The following ACSBG2 variants were observed in gnomAD, a reference collection of about 807,000 sequenced individuals.
ACSBG2 encodes acyl-CoA synthetase bubblegum family member 2.
In ACSBG2, 62 loss-of-function variants were observed where a neutral mutation model predicts 74.7. That is an observed-to-expected ratio of 0.83 (90% CI 0.68 to 1.03). ACSBG2 has a LOEUF of 1.03. Among genes scored for constraint, ACSBG2 ranks in the 50% least tolerant of loss-of-function variants. The pLI, the probability that ACSBG2 is intolerant of heterozygous loss-of-function variation, is 0.00. For synonymous variants in ACSBG2, 309 were observed against 294.1 expected (o/e 1.05, Z -0.52); for missense variants, 730 against 817.6 (o/e 0.89, Z 1.31).
chr19:6,158,293 G>A (rs937935526), intron 5 of ACSBG2, among the ~76,000 whole-genome samples: 12 of 151,692 alleles, frequency 7.9e-5, no homozygotes, highest in African/African-American at 2.2e-4. Context: ...TCCTGACCTC[G>A]TGATCTGCCC....
Position 6,190,527 on chromosome 19 carries a change from G to A in ACSBG2, c.1928-57G>A. On this transcript the variant is annotated intron_variant, in intron 13 of 14. Transcript: ENST00000588485. Reference sequence around the variant, plus strand: ...GGACTCTGTTGCCTGGTCATGCATGGGTGTGTGTAATTTTCTTTTATCTCC... The same window carrying A: ...GGACTCTGTTGCCTGGTCATGCATGAGTGTGTGTAATTTTCTTTTATCTCC... The A allele has an allele frequency of 1.4e-6, 2 of 1,450,316 alleles. 1 individual carries two copies. Among genetic ancestry groups the A allele is most frequent in the South Asian group, 2.3e-5 (2 of 87,596 alleles). 89.8% of individuals were successfully genotyped at this position (1,450,316 alleles called of 1,614,324 possible).
chr19:6,190,585 TC>T lies in ACSBG2; in HGVS notation c.1931del (p.Pro644GlnfsTer2), dbSNP rs1441123123. ...DFSIYGGELG[P>X]MMKLKRHFVA... ...AATTGATTTCTCCTTTCTCGATAGGTCCAATGATGAAACTTAAGAGACATTT... is the reference window on the plus strand; with the variant it reads ...AATTGATTTCTCCTTTCTCGATAGGTCAATGATGAAACTTAAGAGACATTT... On this transcript the variant is annotated frameshift_variant and splice_region_variant, in exon 14 of 15. Transcript: ENST00000588485. LOFTEE classifies it high-confidence loss of function. 9 of 1,613,470 alleles carry T rather than the reference TC, an allele frequency of 5.6e-6. No homozygotes were observed. The highest frequency in any genetic ancestry group is 7.6e-6 in the Non-Finnish European group (9 of 1,179,596).
chr19:6,143,211 AT>A (rs370266331), intron 2 of ACSBG2, among the ~76,000 whole-genome samples: 8,367 of 147,718 alleles, frequency 0.057, 305 homozygotes, highest in African/African-American at 0.11. Flanking sequence ...TGCCTGGCTA[AT>A]TTTTTTTTTT....
intron 10 of ACSBG2, among the ~76,000 whole-genome samples, chr19:6,184,795 C>G (rs968497316): frequency 9.1e-5 from 10 of 109,374 alleles, no homozygotes; most frequent in Non-Finnish European, 1.7e-4. Flanking sequence ...ATCTTTAAGC[C>G]AAAGGCATTT....
At chr19:6,166,749 T>C (rs527957711) in intron 7 of ACSBG2, among the ~76,000 whole-genome samples, 119 of 152,208 alleles carry the variant, frequency 7.8e-4, no homozygotes, top group African/African-American at 2.7e-3. Context: ...GCAATTCTCG[T>C]GCCTCAGCCT....
chr19:6,154,402 A>AGAG (rs2089343129), intron 4 of ACSBG2, among the ~76,000 whole-genome samples: 2 of 83,298 alleles, frequency 2.4e-5, no homozygotes, highest in African/African-American at 4.0e-5. Context: ...CCGTCTCAAA[A>AGAG]AGAGAGAGAG....
intron 7 of ACSBG2, among the ~76,000 whole-genome samples, chr19:6,173,696 A>T (rs747064673): frequency 1.3e-5 from 2 of 152,102 alleles, no homozygotes; most frequent in Admixed American, 1.3e-4. Context: ...TTTACCAGTA[A>T]TTTTGATCTT....
chr19:6,187,725 G>A lies in ACSBG2; in HGVS notation c.1807G>A (p.Val603Ile), dbSNP rs1308906146. 7 of 1,614,026 alleles carry A rather than the reference G, an allele frequency of 4.3e-6. No individual in the cohort carries two copies. Among genetic ancestry groups the A allele is most frequent in the Middle Eastern group, 1.6e-4 (1 of 6,084 alleles). ...GATTGTGAAGCAGCAAGACCCCCTG[G>A]TCTACAAGGCCATCCAGCAAGGCAT... ...TEIVKQQDPL[V>I]YKAIQQGINA... Residue 603 changes from valine (V) to isoleucine (I), a missense_variant, in exon 13 of 15, where the codon GTC (valine) becomes ATC (isoleucine). Physicochemically the swap from Val to Ile is conservative, Grantham distance 29 (BLOSUM62 3). Transcript: ENST00000588485.
intron 7 of ACSBG2, chr19:6,175,421 T>A (rs1040897882): frequency 6.6e-6 from 1 of 152,210 alleles, no homozygotes; most frequent in Non-Finnish European, 1.5e-5. Flanking sequence ...ATTCAGTTTG[T>A]GTGACATGGT....
At chr19:6,150,684 G>C (rs1001922919) in intron 3 of ACSBG2, among the ~76,000 whole-genome samples, 24 of 152,204 alleles carry the variant, frequency 1.6e-4, no homozygotes, top group Non-Finnish European at 2.8e-4. Context: ...AGGTGCCAGG[G>C]GCTGGGGAAG....
chr19:6,166,007 C>T lies in ACSBG2; in HGVS notation c.730C>T (p.His244Tyr), dbSNP rs749529664. The change falls in exon 7 of 15, where the codon CAT (histidine) becomes TAT (tyrosine). Residue 244 changes from histidine to tyrosine, a missense_variant. Coordinates refer to ENST00000588485, the MANE Select transcript of ACSBG2 (RefSeq NM_030924.5). ...CATACCCAAGGGAGTGATGCTCAGT[C>T]ATGACAACGTACGCCAAAGTCCCTT... Reference protein sequence around the residue: ...TGIPKGVMLSHDNITWIAGAV... With the variant: ...TGIPKGVMLSYDNITWIAGAV... The T allele has an allele frequency of 5.0e-6, 8 of 1,613,800 alleles. No individual in the cohort carries two copies. In the South Asian group the frequency reaches 6.6e-5, roughly 13 times the overall value.
At chr19:6,157,565 A>G (rs965863881) in intron 5 of ACSBG2, among the ~76,000 whole-genome samples, 3 of 151,986 alleles carry the variant, frequency 2.0e-5, no homozygotes, top group African/African-American at 7.2e-5. Flanking sequence ...CCTGTCTCAA[A>G]ACAAACAAAC....
intron 11 of ACSBG2, among the ~76,000 whole-genome samples, chr19:6,186,240 T>A (rs906871607): frequency 2.0e-5 from 3 of 152,202 alleles, no homozygotes; most frequent in Non-Finnish European, 4.4e-5. Context: ...TATTTTTGGG[T>A]TCACAAAACA....
In ACSBG2 at chr19:6,192,071, C is replaced by CAAAAAAAAAAAAAAAAAAAAAAA. The variant is rs397859531; in HGVS notation, c.*36-594_*36-572dup. 29 of 57,446 alleles carry CAAAAAAAAAAAAAAAAAAAAAAA rather than the reference C, an allele frequency of 5.0e-4. 1 individual carries two copies. Among genetic ancestry groups the CAAAAAAAAAAAAAAAAAAAAAAA allele is most frequent in the African/African-American group, 1.5e-3 (18 of 11,692 alleles). 3.6% of individuals were successfully genotyped at this position (57,446 alleles called of 1,614,324 possible). ...ACACTGGGCTTCAAAAGCACAGCACCAAAAAAAAAAAAAAAAAAAAAAAAA... is the reference window on the plus strand; with the variant it reads ...ACACTGGGCTTCAAAAGCACAGCACCAAAAAAAAAAAAAAAAAAAAAAAAAAAAAAAAAAAAAAAAAAAAAAAA... On this transcript the variant is annotated intron_variant, in intron 14 of 14. Transcript: ENST00000588485.
chr19:6,147,449 C>G lies in ACSBG2; in HGVS notation c.71C>G (p.Thr24Ser). 6.2e-7 allele frequency: 1 copy of G among 1,613,882 alleles called. No homozygotes were observed. Among genetic ancestry groups the G allele is most frequent in the Non-Finnish European group, 8.5e-7 (1 of 1,179,764 alleles). Residue 24 changes from threonine to serine, a missense_variant, in exon 3 of 15, where the codon ACT becomes AGT. Thr to Ser is a moderately conservative substitution (Grantham distance 58). Coordinates refer to ENST00000588485, the MANE Select transcript of ACSBG2 (RefSeq NM_030924.5). Reference protein sequence around the residue: ...LEVDMNKTEVTPRLWTTCRDG... With the variant: ...LEVDMNKTEVSPRLWTTCRDG... ...CAACTCTGGTGACTATTTGCAGTTA[C>G]TCCCAGGCTGTGGACCACCTGTCGA...
At chr19:6,164,434 C>CTTT (rs542313082) in intron 6 of ACSBG2, among the ~76,000 whole-genome samples, 3,711 of 133,778 alleles carry the variant, frequency 0.028, 105 homozygotes, top group African/African-American at 0.068. Context: ...TTTGAGGGGC[C>CTTT]TTTTTTTTTT....
chr19:6,187,945 G>C (rs1041668752), intron 13 of ACSBG2, 100 bp downstream of exon 13: 90 of 1,524,200 alleles, frequency 5.9e-5, no homozygotes, highest in Non-Finnish European at 7.6e-5. Context: ...GAGGGTCTAT[G>C]AAACCAGCCA....
At chr19:6,141,664 A>C (rs2088840582) in intron 2 of ACSBG2, 54 bp downstream of exon 2, 1 of 1,197,602 alleles carries the variant, frequency 8.4e-7, no homozygotes, top group African/African-American at 1.5e-5. Flanking sequence ...GATTCCACAA[A>C]GGCTCTTTGC....
At chr19:6,177,117 C>T in intron 7 of ACSBG2, 112 bp from the exon 8 acceptor site, 3 of 1,179,912 alleles carry the variant, frequency 2.5e-6, no homozygotes, top group East Asian at 2.6e-5. Context: ...GCTGTGATCA[C>T]ACCACTGCAC....
Sources: gnomAD v4.1 joint callset for allele counts (sites outside exome capture counted in the v4.1 genomes callset) on GRCh38, gnomAD v4.1.1 for gene constraint, MANE v1.5 for transcripts, NCBI Gene and HGNC (gene_info 2026-07-23, HGNC 2026-07-21) for gene names.